GPATCH8: variants seen among roughly 807,000 people sequenced by gnomAD.
The protein encoded by GPATCH8 is G patch domain-containing protein 8.
GPATCH8 carries 18 observed loss-of-function variants against 118.3 expected under a neutral mutation model. The ratio of observed to expected loss-of-function variants is 0.15; its 90% CI spans 0.11 to 0.23. The LOEUF is 0.23. Among genes scored for constraint, GPATCH8 ranks in the 10% least tolerant of loss-of-function variants. GPATCH8 has a pLI of 1.00. For missense variants in GPATCH8, 1,631 were observed against 1,873.8 expected (o/e 0.87, Z 2.39); for synonymous variants, 659 against 684.7 (o/e 0.96, Z 0.59).
At chr17:44,490,153 G>A (rs1969129875) in intron 1 of GPATCH8, among the ~76,000 whole-genome samples, 1 of 151,820 alleles carries the variant, frequency 6.6e-6, no homozygotes, top group African/African-American at 2.4e-5. Flanking sequence ...TTTAATTTTT[G>A]TAAAAATTTT....
At chr17:44,456,934 G>A (rs1187742064) in intron 3 of GPATCH8, among the ~76,000 whole-genome samples, 3 of 151,968 alleles carry the variant, frequency 2.0e-5, no homozygotes, top group Non-Finnish European at 4.4e-5. Context: ...CGCAATCTCG[G>A]CTCACTACAA....
At chr17:44,459,254 T>C (rs2051456258) in intron 3 of GPATCH8, among the ~76,000 whole-genome samples, 1 of 152,226 alleles carries the variant, frequency 6.6e-6, no homozygotes, top group South Asian at 2.1e-4. Context: ...ACTATTACTG[T>C]TGTTAATCTT....
intron 6 of GPATCH8, among the ~76,000 whole-genome samples, chr17:44,419,711 G>A (rs539365849): frequency 3.3e-5 from 5 of 151,652 alleles, no homozygotes; most frequent in Admixed American, 3.3e-4. Flanking sequence ...CCCAGGCTGA[G>A]GTGCAGTGGC....
chr17:44,406,505 G>GA (rs1555622827), intron 6 of GPATCH8, among the ~76,000 whole-genome samples: 2 of 105,864 alleles, frequency 1.9e-5, no homozygotes, highest in South Asian at 3.9e-4. Context: ...ATGGGGGGGG[G>GA]GGGTTATTTA....
At chr17:44,483,200 TATATATATATATATATAC>T (rs1568056116) in intron 1 of GPATCH8, among the ~76,000 whole-genome samples, 1 of 74,788 alleles carries the variant, frequency 1.3e-5, no homozygotes, top group Non-Finnish European at 2.6e-5. Flanking sequence ...TATATATATA[TATATATATATATATATAC>T]AGCCTACCTC....
At chr17:44,408,044 G>A (rs2143725797) in intron 6 of GPATCH8, among the ~76,000 whole-genome samples, 1 of 152,240 alleles carries the variant, frequency 6.6e-6, no homozygotes, top group African/African-American at 2.4e-5. Context: ...CTCCTGAGGG[G>A]AATGGGGCAG....
intron 3 of GPATCH8, among the ~76,000 whole-genome samples, chr17:44,441,027 T>C (rs943313025): frequency 6.6e-6 from 1 of 152,218 alleles, no homozygotes; most frequent in Middle Eastern, 3.4e-3. Context: ...TATTTTGTAT[T>C]TTTAGTAGAG....
intron 2 of GPATCH8, chr17:44,464,795 A>AGTGT: frequency 2.1e-6 from 1 of 471,490 alleles, no homozygotes. Context: ...ACTTTTGTAT[A>AGTGT]TAACATTTTT....
At chr17:44,424,669 G>A (rs1400597681) in intron 5 of GPATCH8, among the ~76,000 whole-genome samples, 177 bp from the exon 6 acceptor site, 9 of 152,262 alleles carry the variant, frequency 5.9e-5, no homozygotes, top group East Asian at 5.8e-4. Context: ...TCTGTGTGTC[G>A]TCATACTAAC....
rs374407340 is a variant in GPATCH8 at position 44,463,672 on chromosome 17, G to A, written c.193+800C>T. 9.2e-5 allele frequency among the ~76,000 whole-genome samples: 14 copies of A among 152,184 alleles called. No homozygotes were observed. The East Asian group carries it at 1.2e-3, about 13-fold the overall frequency. ...TGGGATTACAGGCGTGAGCCACCGCGCCCGGCCAATTCCCATAATTTCTGA... is the reference window on the plus strand; with the variant it reads ...TGGGATTACAGGCGTGAGCCACCGCACCCGGCCAATTCCCATAATTTCTGA... On this transcript the variant is annotated intron_variant, in intron 3 of 7. Coordinates refer to ENST00000591680, the MANE Select transcript of GPATCH8 (RefSeq NM_001002909.4).
chr17:44,397,109 A>G lies in GPATCH8; in HGVS notation c.*459T>C. ...AAAATGGTGGCACTTCCACCACTAG[A>G]ACAGCTTGGCCTTCCCTGTGGCGCT... On this transcript the variant is annotated 3_prime_UTR_variant, in exon 8 of 8. Coordinates refer to ENST00000591680, the MANE Select transcript of GPATCH8 (RefSeq NM_001002909.4). The G allele has an allele frequency of 2.2e-6, 1 of 455,312 alleles. No individual in the cohort carries two copies. The highest frequency in any genetic ancestry group is 1.6e-5 in the South Asian group (1 of 64,494). 28.2% of individuals were successfully genotyped at this position (455,312 alleles called of 1,614,324 possible). A position where few individuals can be genotyped will look rare whatever the true frequency, so the allele number is the denominator to read the frequency against.
Position 44,398,990 on chromosome 17 carries a change from C to A in GPATCH8, c.3087G>T (p.Lys1029Asn), listed in dbSNP as rs181905889. ...HSGRRDFIRS[K>N]IYRSQSPHYF... ...AGTGGGGGGACTGGGAGCGGTAGAT[C>A]TTAGAACGAATGAAGTCCCGACGCC... The change falls in exon 8 of 8, where the codon AAG (lysine) becomes AAT (asparagine). Residue 1029 changes from lysine to asparagine, a missense_variant. Lys to Asn is a moderately conservative substitution (Grantham distance 94). This residue lies in a region of GPATCH8 where 922 missense variants were observed against 879.7 expected (regional missense o/e 1.05). Coordinates refer to ENST00000591680, the MANE Select transcript of GPATCH8 (RefSeq NM_001002909.4). 6.2e-7 allele frequency: 1 copy of A among 1,614,094 alleles called. No individual in the cohort carries two copies. Among genetic ancestry groups the A allele is most frequent in the Non-Finnish European group, 8.5e-7 (1 of 1,179,998 alleles).
rs373988940 is a variant in GPATCH8 at position 44,400,431 on chromosome 17, A to C, written c.1646T>G (p.Leu549Arg). 1 of 1,613,972 alleles carries C rather than the reference A, an allele frequency of 6.2e-7. No individual in the cohort carries two copies. Among genetic ancestry groups the C allele is most frequent in the East Asian group, 2.2e-5 (1 of 44,882 alleles). The change falls in exon 8 of 8, where the codon CTC (leucine) becomes CGC (arginine). Residue 549 changes from leucine (L) to arginine (R), a missense_variant. Transcript: ENST00000591680. The stretch of plus-strand genomic sequence containing the variant: ...AATTAATAGTTCTGATGGCCACTGG[A>C]GGGCAGTGCTTTCATCTTTGCTCAA... ...PVLSKDESTA[L>R]QWPSELLIFT...
intron 5 of GPATCH8, among the ~76,000 whole-genome samples, chr17:44,434,047 C>T (rs1298279474): frequency 1.3e-5 from 2 of 151,504 alleles, no homozygotes; most frequent in Admixed American, 6.6e-5. Flanking sequence ...GGCTAAGGCA[C>T]GAGAATCACT....
intron 5 of GPATCH8, among the ~76,000 whole-genome samples, chr17:44,429,717 A>C (rs1341294173): frequency 6.6e-6 from 1 of 150,390 alleles, no homozygotes; most frequent in African/African-American, 2.4e-5. Context: ...AACAAAAACC[A>C]GCTGAGCATG....
intron 7 of GPATCH8, among the ~76,000 whole-genome samples, chr17:44,403,710 C>T (rs1390486825): frequency 1.3e-5 from 2 of 148,490 alleles, no homozygotes; most frequent in Non-Finnish European, 1.5e-5. Context: ...TTTTTTCTCC[C>T]AAGCTGGAGT....
intron 6 of GPATCH8, among the ~76,000 whole-genome samples, chr17:44,421,711 CCTTT>C (rs149902435): frequency 0.039 from 5,835 of 149,230 alleles, 149 homozygotes; most frequent in Middle Eastern, 0.076. Context: ...TAGTGTGTAA[CCTTT>C]CTTTCTTTTT....
intron 7 of GPATCH8, among the ~76,000 whole-genome samples, chr17:44,402,268 G>A (rs921757456): frequency 3.5e-5 from 5 of 143,792 alleles, no homozygotes; most frequent in African/African-American, 1.3e-4. Context: ...GTTGCAGTGA[G>A]CTGAGATCGC....
chr17:44,468,330 A>C (rs1568032568), intron 2 of GPATCH8, among the ~76,000 whole-genome samples: 1 of 150,740 alleles, frequency 6.6e-6, no homozygotes, highest in Non-Finnish European at 1.5e-5. Context: ...CAAACAGGTA[A>C]TCTAGACAGA....
Sources: allele counts gnomAD v4.1 joint callset (sites outside exome capture counted in the v4.1 genomes callset), GRCh38; gene constraint gnomAD v4.1.1; regional missense constraint gnomAD v4.1.1; transcripts MANE v1.5; gene names NCBI Gene and HGNC (gene_info 2026-07-23, HGNC 2026-07-21).